The following PCDHA4 variants were observed in gnomAD, a reference collection of about 807,000 sequenced individuals.
PCDHA4 encodes protocadherin alpha 4.
PCDHA4 carries 49 observed loss-of-function variants against 61.4 expected under a neutral mutation model. That is an observed-to-expected ratio of 0.80 (90% CI 0.63 to 1.01). The LOEUF is 1.01. PCDHA4 is among the 50% of genes least tolerant of loss of function. The pLI is 0.00. For missense variants in PCDHA4, 1,254 were observed against 1,235.8 expected, an observed-to-expected ratio of 1.01 and a Z score of -0.22; for synonymous variants, 590 against 550.3, an observed-to-expected ratio of 1.07 and a Z score of -1.01.
intron 1 of PCDHA4, chr5:140,843,142 T>G (rs1778605767): frequency 6.3e-7 from 1 of 1,595,790 alleles, no homozygotes; most frequent in East Asian, 2.2e-5. Context: ...ACGCGTGGCT[T>G]TCGTATGAGC....
Position 140,968,978 on chromosome 5 carries a change from G to T in PCDHA4, c.2386-9971G>T, listed in dbSNP as rs782147151. ...CAAGTGCTACCGCTACACTGCGTATGGCACTGCATGCTGTGGAGGCTTCTG... is the reference window on the plus strand; with the variant it reads ...CAAGTGCTACCGCTACACTGCGTATTGCACTGCATGCTGTGGAGGCTTCTG... On this transcript the variant is annotated intron_variant, in intron 1 of 3. Coordinates refer to ENST00000530339, the MANE Select transcript of PCDHA4 (RefSeq NM_018907.4). The T allele has an allele frequency of 8.7e-6, 14 of 1,614,212 alleles. No homozygotes were observed. Among genetic ancestry groups the T allele is most frequent in the Non-Finnish European group, 1.2e-5 (14 of 1,180,042 alleles).
intron 1 of PCDHA4, chr5:140,862,626 C>A: frequency 1.9e-6 from 1 of 532,422 alleles, no homozygotes; most frequent in South Asian, 1.4e-5. Flanking sequence ...ACCCGCGGGG[C>A]TGCCACGACT....
intron 1 of PCDHA4, chr5:140,862,433 G>C (rs781821294): frequency 2.8e-6 from 1 of 354,766 alleles, no homozygotes; most frequent in African/African-American, 2.1e-5. Context: ...GAAACTATTC[G>C]TTGGTACTCC....
chr5:140,857,858 G>T (rs781810921), intron 1 of PCDHA4: 3 of 1,597,852 alleles, frequency 1.9e-6, no homozygotes, highest in South Asian at 1.1e-5. Context: ...TGGATACAAC[G>T]CGTGGCTGTC....
intron 1 of PCDHA4, among the ~76,000 whole-genome samples, chr5:140,903,229 T>G (rs2153479721): frequency 6.6e-6 from 1 of 152,340 alleles, no homozygotes; most frequent in Non-Finnish European, 1.5e-5. Context: ...CATCTATTAC[T>G]TTTTGATTTT....
chr5:140,904,707 C>T (rs561558058), intron 1 of PCDHA4, among the ~76,000 whole-genome samples: 1 of 152,244 alleles, frequency 6.6e-6, no homozygotes, highest in African/African-American at 2.4e-5. Context: ...TCCCTTTTCA[C>T]CACATTCTGG....
rs2043307910 is a variant in PCDHA4, at chr5:140,855,009, A to C, written c.2385+45437A>C. Among the ~76,000 whole-genome samples the C allele has an allele frequency of 1.3e-5, 2 of 149,938 alleles. 1 individual carries two copies. Among genetic ancestry groups the C allele is most frequent in the Admixed American group, 1.3e-4 (2 of 14,922 alleles). ...CTTTTTGCCCGTGTAAGATATTATA[A>C]AATGAAACTTCTTGTATAAAGGATT... On this transcript the variant is annotated intron_variant, in intron 1 of 3. Coordinates refer to ENST00000530339, the MANE Select transcript of PCDHA4 (RefSeq NM_018907.4).
chr5:140,845,456 CTGATATT>C (rs1779887189), intron 1 of PCDHA4, among the ~76,000 whole-genome samples: 2 of 149,562 alleles, frequency 1.3e-5, no homozygotes, highest in Admixed American at 1.3e-4. Context: ...CTTCAACTCT[CTGATATT>C]TGAATTTGGG....
rs781792274 is a variant in PCDHA4 at position 140,927,895 on chromosome 5, G to C, written c.2386-51054G>C. ...GCTGGTGGAGGTGACTGACGTGAAC[G>C]ATCATGCCCCCGAACTGGACTTCCT... On this transcript the variant is annotated intron_variant, in intron 1 of 3. Coordinates refer to ENST00000530339, the MANE Select transcript of PCDHA4 (RefSeq NM_018907.4). The C allele has an allele frequency of 3.7e-6, 6 of 1,614,074 alleles. No homozygotes were observed. The South Asian group carries it at 6.6e-5, about 18-fold the overall frequency.
chr5:140,843,112 G>T lies in PCDHA4; in HGVS notation c.2385+33540G>T, dbSNP rs1581030644. 3.1e-6 allele frequency: 5 copies of T among 1,595,864 alleles called. 1 individual carries two copies. The highest frequency in any genetic ancestry group is 1.7e-4 in the Middle Eastern group (1 of 5,904). On this transcript the variant is annotated intron_variant, in intron 1 of 3. Coordinates refer to ENST00000530339, the MANE Select transcript of PCDHA4 (RefSeq NM_018907.4). Reference sequence around the variant, plus strand: ...ACGTGGTAGCGAAGGTGCGCGCAGTGGACGCCGACTCGGGCTACAACGCGT... The same window carrying T: ...ACGTGGTAGCGAAGGTGCGCGCAGTTGACGCCGACTCGGGCTACAACGCGT...
At chr5:140,836,499 G>C in intron 1 of PCDHA4, 1 of 1,613,878 alleles carries the variant, frequency 6.2e-7, no homozygotes, top group Non-Finnish European at 8.5e-7. Context: ...CGCCATCTGC[G>C]CGGTGTCCAG....
At position 140,855,973 on chromosome 5, in the gene PCDHA4, T is replaced by A. The variant is rs371048948; in HGVS notation, c.2385+46401T>A. ...TTCGATAAAAAATAGATATAAGAAATAGGACAGAAAATGTCAGATCGTATG... is the reference window on the plus strand; with the variant it reads ...TTCGATAAAAAATAGATATAAGAAAAAGGACAGAAAATGTCAGATCGTATG... On this transcript the variant is annotated intron_variant, in intron 1 of 3. Coordinates refer to ENST00000530339, the MANE Select transcript of PCDHA4 (RefSeq NM_018907.4). 71 of 1,440,548 alleles carry A rather than the reference T, an allele frequency of 4.9e-5. 4 individuals are homozygous for A. The Middle Eastern group carries it at 9.2e-4, about 19-fold the overall frequency. The allele number at this position is 1,440,548 out of a possible 1,614,324, so 89.2% of individuals were successfully genotyped here.
chr5:140,988,535 A>T (rs1426235004), intron 3 of PCDHA4, among the ~76,000 whole-genome samples: 2 of 152,164 alleles, frequency 1.3e-5, no homozygotes, highest in Non-Finnish European at 2.9e-5. Flanking sequence ...GGCTCCATCC[A>T]TTCATGACTT....
At chr5:140,877,503 G>T in intron 1 of PCDHA4, 1 of 1,613,834 alleles carries the variant, frequency 6.2e-7, no homozygotes. Flanking sequence ...AGGCCCCAAA[G>T]ACGTCGTCGC....
At chr5:140,845,035 G>A (rs1427311138) in intron 1 of PCDHA4, among the ~76,000 whole-genome samples, 3 of 149,148 alleles carry the variant, frequency 2.0e-5, no homozygotes, top group Middle Eastern at 3.4e-3. Context: ...GCATATTTTA[G>A]CCCCCTTGTC....
chr5:140,995,899 A>G (rs900121248), intron 3 of PCDHA4, among the ~76,000 whole-genome samples: 2 of 152,226 alleles, frequency 1.3e-5, no homozygotes, highest in Non-Finnish European at 2.9e-5. Context: ...ATCAATGTAT[A>G]AAAGAGGAGA....
chr5:140,961,728 A>G (rs2095632104), intron 1 of PCDHA4, among the ~76,000 whole-genome samples: 1 of 152,192 alleles, frequency 6.6e-6, no homozygotes, highest in East Asian at 1.9e-4. Context: ...GCTCATAAAC[A>G]ATCACTTTAG....
intron 1 of PCDHA4, among the ~76,000 whole-genome samples, chr5:140,895,800 T>C (rs1352398048): frequency 6.6e-6 from 1 of 152,182 alleles, no homozygotes; most frequent in Non-Finnish European, 1.5e-5. Context: ...ATATGTACAA[T>C]ACTGTATTGT....
At chr5:140,897,863 T>C (rs1432232591) in intron 1 of PCDHA4, among the ~76,000 whole-genome samples, 6 of 152,206 alleles carry the variant, frequency 3.9e-5, no homozygotes, top group Admixed American at 3.9e-4. Flanking sequence ...GTTTCCTGAC[T>C]TTTTAATGAT....
Sources: gnomAD v4.1 joint callset for allele counts (sites outside exome capture counted in the v4.1 genomes callset) on GRCh38, gnomAD v4.1.1 for gene constraint, MANE v1.5 for transcripts, NCBI Gene and HGNC (gene_info 2026-07-23, HGNC 2026-07-21) for gene names.